Variants in KCP observed in about 807,000 individuals in gnomAD.
KCP encodes kielin cysteine rich BMP regulator.
KCP carries 194 observed loss-of-function variants against 212.7 expected under a neutral mutation model. The ratio of observed to expected loss-of-function variants is 0.91; its 90% confidence interval spans 0.81 to 1.03. The LOEUF (loss-of-function observed/expected upper bound fraction) is 1.03. KCP is among the 50% of genes least tolerant of loss of function. The pLI is 0.00. For synonymous variants in KCP, 833 were observed against 865.3 expected (o/e 0.96, Z 0.65); for missense variants, 2,080 against 2,162.5 (o/e 0.96, Z 0.76).
Position 128,893,983 on chromosome 7 carries a change from C to A in KCP, c.998G>T (p.Arg333Leu). The A allele has an allele frequency of 1.3e-6, 2 of 1,550,032 alleles. No homozygotes were observed. The highest frequency in any genetic ancestry group is 8.7e-7 in the Non-Finnish European group (1 of 1,146,376). The change falls in exon 10 of 40, where the codon CGC (arginine) becomes CTC (leucine). Residue 333 changes from arginine to leucine, a missense_variant. Transcript: ENST00000610776. Reference sequence around the variant, plus strand: ...CCAGGCAGCCACACTCACAGCACAGCGGCAGTGCGAGCAGGGGTCCCCTGA... The same window carrying A: ...CCAGGCAGCCACACTCACAGCACAGAGGCAGTGCGAGCAGGGGTCCCCTGA... Reference protein sequence around the residue: ...VGSGDPCSHCRCANGSVQCEP... With the variant: ...VGSGDPCSHCLCANGSVQCEP...
chr7:128,904,240 G>A (rs2128950191), intron 5 of KCP, 102 bp from the exon 6 acceptor site: 1 of 1,537,146 alleles, frequency 6.5e-7, no homozygotes, highest in Non-Finnish European at 8.8e-7. Flanking sequence ...GACCCTTGGG[G>A]TTGAAGGGAT....
rs368485172 is a variant in KCP, at chr7:128,903,794, C to T, written c.681G>A (p.Leu227=). 1 of 1,545,558 alleles carries T rather than the reference C, an allele frequency of 6.5e-7. No homozygotes were observed. The highest frequency in any genetic ancestry group is 8.7e-7 in the Non-Finnish European group (1 of 1,144,560). The change falls in exon 7 of 40, where the codon CTG becomes CTA. Residue 227 remains leucine (L), a synonymous_variant. Coordinates refer to ENST00000610776, the MANE Select transcript of KCP (RefSeq NM_001366122.1). The part of the protein sequence containing the change: ...CLRSRVRCMA[L]KCPPSPCPEP... ...CTGGGCAGGGGCTAGGCGGGCACTTCAGGGCCATGCAGCGAACTCGGCTCC... is the reference window on the plus strand; with the variant it reads ...CTGGGCAGGGGCTAGGCGGGCACTTTAGGGCCATGCAGCGAACTCGGCTCC...
At position 128,886,950 on chromosome 7, in the gene KCP, C is replaced by A. The variant is rs376872875; in HGVS notation, c.2615G>T (p.Cys872Phe). ...LCTCQEGSMR[C>F]QKKPCPPALC... ...AGCTGGGGGACATGGCTTCTTCTGG[C>A]AGCGCATGGAACCTTCCTGGGGGAG... The change falls in exon 24 of 40, where the codon TGC (cysteine) becomes TTC (phenylalanine). Residue 872 changes from cysteine (C) to phenylalanine (F), a missense_variant. Coordinates refer to ENST00000610776, the MANE Select transcript of KCP (RefSeq NM_001366122.1). The A allele has an allele frequency of 8.3e-5, 127 of 1,525,428 alleles. No homozygotes were observed. Among genetic ancestry groups the A allele is most frequent in the Non-Finnish European group, 1.1e-4 (120 of 1,127,856 alleles). 94.5% of individuals were successfully genotyped at this position (1,525,428 alleles called of 1,614,324 possible). A position where few individuals can be genotyped will look rare whatever the true frequency, so the allele number is the denominator to read the frequency against.
At chr7:128,887,071 G>A in intron 23 of KCP, 105 bp from the exon 24 acceptor site, 2 of 1,036,346 alleles carry the variant, frequency 1.9e-6, no homozygotes, top group Non-Finnish European at 2.9e-6. Context: ...CTTGGCCCGG[G>A]ACACCTGAGC....
chr7:128,882,751 A>G (rs1290976244), intron 29 of KCP, among the ~76,000 whole-genome samples: 1 of 133,796 alleles, frequency 7.5e-6, no homozygotes, highest in Non-Finnish European at 1.5e-5. Flanking sequence ...TCTTACCACC[A>G]TAAAAAACAA....
Position 128,904,070 on chromosome 7 carries a change from G to A in KCP, c.640C>T (p.Gln214Ter), listed in dbSNP as rs774584361. The change falls in exon 6 of 40, where the codon CAG becomes TAG. Residue 214 changes from glutamine (Q) to a stop codon, truncating the protein, a stop_gained. Coordinates refer to ENST00000610776, the MANE Select transcript of KCP (RefSeq NM_001366122.1). LOFTEE classifies it high-confidence loss of function. ...GGTGGACTCACCAGGCAGGTGCACT[G>A]TAGACAAGGGTTGGAGCTGGACAGG... ...TFLSSSNPCL[Q>*]CTCLRSRVRC... The A allele has an allele frequency of 3.5e-5, 55 of 1,551,526 alleles. 1 individual carries two copies. In the Middle Eastern group the frequency reaches 1.0e-3, roughly 28 times the overall value.
Position 128,884,038 on chromosome 7 carries a change from G to T in KCP, c.3208C>A (p.Pro1070Thr). ...LVGCPPSQLL[P>T]PGPQHCCPTC... ...GGACAGCAGTGCTGGGGCCCAGGGG[G>T]CAGGAGCTGGCTGGGGGGGCAGCCC... Residue 1070 changes from proline (P) to threonine (T), a missense_variant, in exon 29 of 40, where the codon CCC becomes ACC. Pro to Thr is a conservative substitution (Grantham distance 38). Transcript: ENST00000610776. 6.5e-7 allele frequency: 1 copy of T among 1,547,256 alleles called. No individual in the cohort carries two copies. Among genetic ancestry groups the T allele is most frequent in the Non-Finnish European group, 8.7e-7 (1 of 1,145,834 alleles).
chr7:128,898,049 G>A (rs1174538556), intron 8 of KCP, among the ~76,000 whole-genome samples: 1 of 151,928 alleles, frequency 6.6e-6, no homozygotes, highest in African/African-American at 2.4e-5. Flanking sequence ...AAATGCCACT[G>A]TGACTATTTT....
intron 26 of KCP, among the ~76,000 whole-genome samples, chr7:128,885,609 G>A (rs577963525): frequency 6.6e-6 from 1 of 151,666 alleles, no homozygotes; most frequent in African/African-American, 2.4e-5. Context: ...TGGCTCCATC[G>A]CTAACCATGT....
chr7:128,888,670 A>C (rs1448972906), intron 22 of KCP, among the ~76,000 whole-genome samples, 193 bp downstream of exon 22: 1 of 152,098 alleles, frequency 6.6e-6, no homozygotes, highest in Non-Finnish European at 1.5e-5. Flanking sequence ...ACACAGAGCC[A>C]CACATACACA....
At chr7:128,908,207 AAAAG>A (rs1422695247) in intron 2 of KCP, among the ~76,000 whole-genome samples, 9 of 149,676 alleles carry the variant, frequency 6.0e-5, no homozygotes, top group South Asian at 4.3e-4. Context: ...GAAAGAAAAA[AAAAG>A]AAAGGAAGGA....
chr7:128,907,938 G>C (rs1437959879), intron 2 of KCP, among the ~76,000 whole-genome samples: 1 of 152,028 alleles, frequency 6.6e-6, no homozygotes, highest in African/African-American at 2.4e-5. Flanking sequence ...AGACCAGCCT[G>C]GCCAACGTGG....
chr7:128,895,383 C>G (rs554523696), intron 8 of KCP, among the ~76,000 whole-genome samples: 5 of 152,340 alleles, frequency 3.3e-5, no homozygotes, highest in African/African-American at 1.2e-4. Context: ...GCTACTGCCA[C>G]TACCCCATGG....
At chr7:128,881,258 C>T (rs1229665692) in intron 31 of KCP, among the ~76,000 whole-genome samples, 173 bp from the exon 32 acceptor site, 2 of 152,256 alleles carry the variant, frequency 1.3e-5, no homozygotes. Context: ...TCAGGCCTCA[C>T]ATCAGAGCTC....
Position 128,906,134 on chromosome 7 carries a change from C to T in KCP, c.571+145G>A, listed in dbSNP as rs57686934. 4.7e-3 allele frequency: 3,201 copies of T among 676,712 alleles called. 91 individuals carry two copies. The African/African-American group carries it at 0.051, about 11-fold the overall frequency. The allele number at this position is 676,712 out of a possible 1,614,324, so 41.9% of individuals were successfully genotyped here. A position where few individuals can be genotyped will look rare whatever the true frequency, so the allele number is the denominator to read the frequency against. On this transcript the variant is annotated intron_variant, in intron 5 of 39. Coordinates refer to ENST00000610776, the MANE Select transcript of KCP (RefSeq NM_001366122.1). Reference sequence around the variant, plus strand: ...CAGAGCCAGTATTTGCTGATTTGTGCATGGGTTCTGCACTCCCCTGGCCAC... The same window carrying T: ...CAGAGCCAGTATTTGCTGATTTGTGTATGGGTTCTGCACTCCCCTGGCCAC...
At chr7:128,892,320 G>T (rs996879219) in intron 16 of KCP, among the ~76,000 whole-genome samples, 194 bp downstream of exon 16, 2 of 152,148 alleles carry the variant, frequency 1.3e-5, no homozygotes, top group African/African-American at 2.4e-5. Flanking sequence ...TGTAGGTACA[G>T]GCAGGAATAA....
chr7:128,892,584 C>G lies in KCP; in HGVS notation c.1551G>C (p.Leu517Phe). The G allele has an allele frequency of 6.4e-7, 1 of 1,550,712 alleles. No homozygotes were observed. The highest frequency in any genetic ancestry group is 1.2e-5 in the South Asian group (1 of 83,942). ...HCQDGTVTCSLVDCPPTTCAR... is the reference protein window; with the variant it reads ...HCQDGTVTCSFVDCPPTTCAR... Reference sequence around the variant, plus strand: ...CACAGGTCGTGGGAGGGCAGTCAACCAAGGAGCATGTCACAGTTCCATCCT... The same window carrying G: ...CACAGGTCGTGGGAGGGCAGTCAACGAAGGAGCATGTCACAGTTCCATCCT... Residue 517 changes from leucine to phenylalanine, a missense_variant, in exon 16 of 40, where the codon TTG becomes TTC. Leu to Phe is a conservative substitution (Grantham distance 22, BLOSUM62 0). Transcript: ENST00000610776.
intron 5 of KCP, 128 bp downstream of exon 5, chr7:128,906,151 C>A: frequency 1.3e-6 from 1 of 763,218 alleles, no homozygotes; most frequent in Non-Finnish European, 2.3e-6. Context: ...TCTGCACTCC[C>A]CTGGCCACTG....
intron 29 of KCP, among the ~76,000 whole-genome samples, chr7:128,883,215 CT>C (rs1422645056): frequency 6.6e-6 from 1 of 151,438 alleles, no homozygotes; most frequent in East Asian, 1.9e-4. Flanking sequence ...TCTCAGCTCA[CT>C]GCAACCTCTG....
Sources: allele counts gnomAD v4.1 joint callset (sites outside exome capture counted in the v4.1 genomes callset), GRCh38; gene constraint gnomAD v4.1.1; transcripts MANE v1.5; gene names NCBI Gene and HGNC (gene_info 2026-07-23, HGNC 2026-07-21).